ZNRF3: variants seen among roughly 807,000 people sequenced by gnomAD.
ZNRF3 encodes E3 ubiquitin-protein ligase ZNRF3.
Under a neutral mutation model 72.5 loss-of-function variants are expected in ZNRF3, and 23 were observed. The ratio of observed to expected loss-of-function variants is 0.32; its 90% CI spans 0.23 to 0.45. The LOEUF is 0.45. Among genes scored for constraint, ZNRF3 ranks in the 20% least tolerant of loss-of-function variants. The probability of loss-of-function intolerance (pLI) is 1.00; values close to 1 mark genes in which losing one functional copy is unlikely to be tolerated. For missense variants in ZNRF3, 1,169 were observed against 1,272.1 expected, an observed-to-expected ratio of 0.92 and a Z score of 1.23; for synonymous variants, 610 against 545.3, an observed-to-expected ratio of 1.12 and a Z score of -1.65.
intron 1 of ZNRF3, among the ~76,000 whole-genome samples, chr22:28,918,876 T>G (rs2034461327): frequency 6.6e-6 from 1 of 152,172 alleles, no homozygotes; most frequent in Non-Finnish European, 1.5e-5. Flanking sequence ...TGCTGACTTC[T>G]CTTAACCTTG....
intron 1 of ZNRF3, among the ~76,000 whole-genome samples, chr22:28,979,053 A>G (rs561355083): frequency 7.9e-5 from 12 of 152,256 alleles, no homozygotes; most frequent in Admixed American, 3.3e-4. Flanking sequence ...GTTCAGAACT[A>G]TAAAACTCTC....
chr22:28,886,787 G>A (rs920755191), intron 1 of ZNRF3, among the ~76,000 whole-genome samples: 1 of 151,726 alleles, frequency 6.6e-6, no homozygotes, highest in African/African-American at 2.4e-5. Flanking sequence ...AGTTAGACCT[G>A]GTCTCTACAA....
At chr22:29,040,493 C>CT (rs563459735) in intron 2 of ZNRF3, among the ~76,000 whole-genome samples, 196 of 145,980 alleles carry the variant, frequency 1.3e-3, no homozygotes, top group Middle Eastern at 7.2e-3. Flanking sequence ...CCCCCACCGC[C>CT]TTTTTTTTTT....
chr22:28,915,762 A>G (rs1046982914), intron 1 of ZNRF3, among the ~76,000 whole-genome samples: 9 of 152,236 alleles, frequency 5.9e-5, no homozygotes, highest in African/African-American at 2.2e-4. Context: ...AAGGCTAAAA[A>G]TCAGACTGTA....
At chr22:29,006,854 G>GAT (rs2036259589) in intron 2 of ZNRF3, among the ~76,000 whole-genome samples, 1 of 152,206 alleles carries the variant, frequency 6.6e-6, no homozygotes, top group Admixed American at 6.5e-5. Flanking sequence ...GGTAGGTTTT[G>GAT]ATAAAGTCTT....
At position 29,049,688 on chromosome 22, in the gene ZNRF3, G is replaced by A. The variant is rs184228325; in HGVS notation, c.1507G>A (p.Gly503Ser). Residue 503 changes from glycine (G) to serine (S), a missense_variant, in exon 8 of 9, where the codon GGC becomes AGC. By Grantham distance (56) the Gly-to-Ser change is moderately conservative. This residue lies in a region of ZNRF3 where 783 missense variants were observed against 731.4 expected (regional missense o/e 1.07). Coordinates refer to ENST00000544604, the MANE Select transcript of ZNRF3 (RefSeq NM_001206998.2). This position sits in a 1 kb window ranked among gnomAD's most constrained non-coding sequence, Gnocchi z 5.2. ...CCCGGCCCGTGCCTTTCCTCCGAGC[G>A]GCAGTGGCAGCCTGCTCTTCCCCAC... ...RGPARAFPPS[G>S]SGSLLFPTVV... 258 of 1,606,802 alleles carry A rather than the reference G, an allele frequency of 1.6e-4. No homozygotes were observed. Among genetic ancestry groups the A allele is most frequent in the Middle Eastern group, 9.9e-4 (6 of 6,050 alleles).
In ZNRF3 at chr22:29,020,763, TTGTGTGTGTGTGGGTGTGTGTG is replaced by T. The variant is rs2036521270; in HGVS notation, c.427-21719_427-21698del. 9.0e-5 allele frequency among the ~76,000 whole-genome samples: 6 copies of T among 66,856 alleles called. No individual in the cohort carries two copies. In the East Asian group the frequency reaches 2.0e-3, roughly 22 times the overall value. 43.9% of individuals were successfully genotyped at this position (66,856 alleles called of 152,430 possible). ...GATTTCATTGAGAGGGGCTTTGTTT[TTGTGTGTGTGTGGGTGTGTGTG>T]TGTGTGTGTGTGTGTGTGTGTGTGT... is the stretch of plus-strand genomic sequence containing the variant. On this transcript the variant is annotated intron_variant, in intron 2 of 8. Transcript: ENST00000544604.
intron 1 of ZNRF3, among the ~76,000 whole-genome samples, chr22:28,968,634 G>A (rs978419446): frequency 2.0e-5 from 3 of 152,174 alleles, no homozygotes; most frequent in Non-Finnish European, 2.9e-5. Context: ...GCTTGAACCC[G>A]GGAGGCGGAG....
chr22:28,990,885 G>A (rs150673667), intron 2 of ZNRF3, among the ~76,000 whole-genome samples: 33 of 152,158 alleles, frequency 2.2e-4, no homozygotes, highest in Non-Finnish European at 4.0e-4. Context: ...AGGTGCTGGC[G>A]TTTCTAGCAA....
intron 1 of ZNRF3, among the ~76,000 whole-genome samples, chr22:28,922,306 G>A (rs2034525207): frequency 6.6e-6 from 1 of 152,056 alleles, no homozygotes; most frequent in African/African-American, 2.4e-5. Flanking sequence ...TAATTTTGCT[G>A]GCAAACAGTC....
intron 1 of ZNRF3, among the ~76,000 whole-genome samples, chr22:28,901,253 A>G (rs982676506): frequency 2.0e-5 from 3 of 152,230 alleles, no homozygotes; most frequent in African/African-American, 7.2e-5. Flanking sequence ...CTCATCGGTC[A>G]TAATGTGAAT....
At chr22:28,962,814 C>T (rs2239828) in intron 1 of ZNRF3, among the ~76,000 whole-genome samples, 86,591 of 152,086 alleles carry the variant, frequency 0.57, 26,628 homozygotes, top group Non-Finnish European at 0.68. Context: ...AAATTTGGTA[C>T]GTACATTCTT....
chr22:28,908,444 G>C (rs769069785), intron 1 of ZNRF3, among the ~76,000 whole-genome samples: 13 of 152,172 alleles, frequency 8.5e-5, no homozygotes, highest in Non-Finnish European at 1.3e-4. Context: ...GTCTCTTTTG[G>C]TGGGGATATG....
chr22:29,021,242 A>C (rs933585260), intron 2 of ZNRF3, among the ~76,000 whole-genome samples: 1 of 151,902 alleles, frequency 6.6e-6, no homozygotes. Context: ...CAAAAAAAAT[A>C]AATAAATAAA....
intron 2 of ZNRF3, among the ~76,000 whole-genome samples, chr22:28,997,659 A>C (rs2036066959): frequency 6.6e-6 from 1 of 152,076 alleles, no homozygotes; most frequent in East Asian, 1.9e-4. Context: ...TGGGCTGTTT[A>C]ACCTCTCTGC....
chr22:29,018,387 C>T, intron 2 of ZNRF3: 1 of 195,978 alleles, frequency 5.1e-6, no homozygotes, highest in Non-Finnish European at 1.1e-5. Flanking sequence ...TTCCCTTAAC[C>T]TGAGACAAGT....
intron 1 of ZNRF3, among the ~76,000 whole-genome samples, chr22:28,975,566 G>A (rs1008360501): frequency 1.4e-5 from 2 of 147,140 alleles, no homozygotes; most frequent in Non-Finnish European, 3.0e-5. Flanking sequence ...ATGAAACCTC[G>A]TCTCTACTAA....
At chr22:28,930,076 C>G (rs2034677872) in intron 1 of ZNRF3, among the ~76,000 whole-genome samples, 1 of 152,082 alleles carries the variant, frequency 6.6e-6, no homozygotes, top group Non-Finnish European at 1.5e-5. Flanking sequence ...ACTTGTAAAG[C>G]TATCAGGAAC....
In ZNRF3 at chr22:28,954,100, T is replaced by G. The variant is rs577910789; in HGVS notation, c.301-32976T>G. On this transcript the variant is annotated intron_variant, in intron 1 of 8. Coordinates refer to ENST00000544604, the MANE Select transcript of ZNRF3 (RefSeq NM_001206998.2). ...GTTTTTTTTCATGACTTCTTCATTC[T>G]TAGGACCTTCACAGTTTCTGCCATA... Among the ~76,000 whole-genome samples, 15 of 152,334 alleles carry G rather than the reference T, an allele frequency of 9.8e-5. No individual in the cohort carries two copies. In the South Asian group the frequency reaches 1.9e-3, roughly 19 times the overall value.
Sources: gnomAD v4.1 joint callset for allele counts (sites outside exome capture counted in the v4.1 genomes callset) on GRCh38, gnomAD v4.1.1 for gene constraint, gnomAD v4.1.1 regional missense constraint, Gnocchi (gnomAD v3.1) non-coding constraint, MANE v1.5 for transcripts, NCBI Gene and HGNC (gene_info 2026-07-23, HGNC 2026-07-21) for gene names.